Variants in SMU1 observed in about 807,000 individuals in gnomAD.
SMU1 encodes SMU1 DNA replication regulator and spliceosomal factor, also known as WD40 repeat-containing protein SMU1.
SMU1 carries 2 observed loss-of-function variants against 62.0 expected under a neutral mutation model. The observed-to-expected ratio is 0.03, with a 90% CI of 0.01 to 0.10. SMU1 has a LOEUF of 0.10. Ranked by LOEUF, SMU1 falls within the 10% of genes least tolerant of loss-of-function variation. The pLI, the probability that SMU1 is intolerant of heterozygous loss-of-function variation, is 1.00. For synonymous variants in SMU1, 188 were observed against 212.4 expected, an observed-to-expected ratio of 0.89 and a Z score of 1.00; for missense variants, 227 against 622.1, an observed-to-expected ratio of 0.36 and a Z score of 6.76.
At chr9:33,051,135 AT>A (rs146071857) in intron 10 of SMU1, among the ~76,000 whole-genome samples, 6,915 of 72,376 alleles carry the variant, frequency 0.096, 1,604 homozygotes, top group African/African-American at 0.28. Flanking sequence ...AAAAAAAAAA[AT>A]AAAAATAAAA....
chr9:33,054,073 C>T (rs1370499823), intron 9 of SMU1, among the ~76,000 whole-genome samples: 2 of 152,058 alleles, frequency 1.3e-5, no homozygotes, highest in Non-Finnish European at 2.9e-5. Context: ...TCACTTGAGG[C>T]CAGGAGTTCA....
intron 4 of SMU1, among the ~76,000 whole-genome samples, chr9:33,064,080 T>C (rs1479821842): frequency 1.3e-5 from 2 of 152,192 alleles, no homozygotes; most frequent in Admixed American, 1.3e-4. Context: ...GTTGTTTATG[T>C]TTGCTGCAAA....
chr9:33,058,877 T>C (rs889064004), intron 6 of SMU1, among the ~76,000 whole-genome samples: 1 of 152,174 alleles, frequency 6.6e-6, no homozygotes, highest in South Asian at 2.1e-4. Flanking sequence ...GTATTTGTAA[T>C]GTATATTATA....
At chr9:33,070,566 G>T (rs1401122231) in intron 3 of SMU1, among the ~76,000 whole-genome samples, 1 of 152,162 alleles carries the variant, frequency 6.6e-6, no homozygotes, top group Non-Finnish European at 1.5e-5. Flanking sequence ...ATATCAAAGA[G>T]ATATCTGCAC....
intron 5 of SMU1, 67 bp downstream of exon 5, chr9:33,061,982 C>T (rs1178350196): frequency 6.5e-7 from 1 of 1,542,124 alleles, no homozygotes; most frequent in Non-Finnish European, 8.9e-7. Context: ...TGGCACAGGG[C>T]CTGGCTGAGC....
intron 4 of SMU1, among the ~76,000 whole-genome samples, chr9:33,062,732 C>A (rs529182552): frequency 1.3e-5 from 2 of 152,252 alleles, no homozygotes; most frequent in African/African-American, 4.8e-5. Flanking sequence ...TCCAATTTTT[C>A]AATCACCTAA....
intron 4 of SMU1, among the ~76,000 whole-genome samples, chr9:33,067,851 G>A (rs1366745271): frequency 6.6e-6 from 1 of 152,100 alleles, no homozygotes; most frequent in Non-Finnish European, 1.5e-5. Flanking sequence ...GCAACAAATA[G>A]CTTTTTGGTC....
chr9:33,049,038 G>A (rs1434960898), intron 10 of SMU1, among the ~76,000 whole-genome samples: 1 of 152,208 alleles, frequency 6.6e-6, no homozygotes, highest in African/African-American at 2.4e-5. Context: ...AAAGATGTCA[G>A]TTCTTCCCAA....
chr9:33,050,745 G>A (rs1839235417), intron 10 of SMU1, among the ~76,000 whole-genome samples: 2 of 151,728 alleles, frequency 1.3e-5, no homozygotes, highest in Admixed American at 6.6e-5. Flanking sequence ...AGAATCGCTC[G>A]AACCCGGGGG....
chr9:33,047,772 T>C (rs529546178), intron 11 of SMU1, among the ~76,000 whole-genome samples: 1 of 151,976 alleles, frequency 6.6e-6, no homozygotes, highest in South Asian at 2.1e-4. Flanking sequence ...GGCAGGAGAA[T>C]CACTTGAAAC....
rs141400729 is a variant in SMU1, at chr9:33,070,677, A to G, written c.390+1063T>C. ...AAAGAAAATGAGGTACATGTACACA[A>G]TGGTGTACTAGCTGGACATATAAAA... On this transcript the variant is annotated intron_variant, in intron 3 of 11. Transcript: ENST00000397149. 2.1e-3 allele frequency among the ~76,000 whole-genome samples: 314 copies of G among 152,356 alleles called. 2 individuals are homozygous for G. Among genetic ancestry groups the G allele is most frequent in the African/African-American group, 7.3e-3 (305 of 41,596 alleles).
chr9:33,072,572 C>G (rs904073445), intron 2 of SMU1, among the ~76,000 whole-genome samples: 16 of 151,878 alleles, frequency 1.1e-4, no homozygotes, highest in African/African-American at 2.7e-4. Context: ...CAGCTCACAC[C>G]TGTAATCCCA....
rs1383853808 is a variant in SMU1 at position 33,046,718 on chromosome 9, C to T, written c.*575G>A. On this transcript the variant is annotated 3_prime_UTR_variant, in exon 12 of 12. Transcript: ENST00000397149. ...CCAGCCTGGCCAACATGGTGAAACC[C>T]CATCTCTACTAAAAATACAAAAAAA... 1 of 152,146 alleles carries T rather than the reference C, an allele frequency of 6.6e-6. No homozygotes were observed. Among genetic ancestry groups the T allele is most frequent in the South Asian group, 2.1e-4 (1 of 4,826 alleles). 9.4% of individuals were successfully genotyped at this position (152,146 alleles called of 1,614,324 possible).
At chr9:33,058,561 T>C (rs7876033) in intron 6 of SMU1, among the ~76,000 whole-genome samples, 55,761 of 151,918 alleles carry the variant, frequency 0.37, 10,522 homozygotes, top group Non-Finnish European at 0.41. Context: ...AAGTGACCTA[T>C]CAACTTCAGC....
chr9:33,046,821 G>A lies in SMU1; in HGVS notation c.*472C>T. 1 of 153,138 alleles carries A rather than the reference G, an allele frequency of 6.5e-6. No homozygotes were observed. The highest frequency in any genetic ancestry group is 1.4e-5 in the Non-Finnish European group (1 of 69,184). The allele number at this position is 153,138 out of a possible 1,614,324, so 9.5% of individuals were successfully genotyped here. A position where few individuals can be genotyped will look rare whatever the true frequency, so the allele number is the denominator to read the frequency against. On this transcript the variant is annotated 3_prime_UTR_variant, in exon 12 of 12. Transcript: ENST00000397149. ...AGGCAAGAGAATCGCTTGAACCTGG[G>A]AGGCGGAGGTTGCAGTGAACCAAGA...
chr9:33,074,293 T>A (rs538572974), intron 1 of SMU1, among the ~76,000 whole-genome samples: 2 of 152,014 alleles, frequency 1.3e-5, no homozygotes, highest in Admixed American at 6.6e-5. Flanking sequence ...TGAGACCCCA[T>A]CTCTACAAAT....
chr9:33,056,235 G>C lies in SMU1; in HGVS notation c.1000C>G (p.His334Asp). ...AGGGTTTTCCCAGATTTTAAACCAT[G>C]AATTCTACCAAATGAAAGTAAATGA... ...SASFDQTIRI[H>D]GLKSGKTLKE... The change falls in exon 9 of 12, where the codon CAT becomes GAT. Residue 334 changes from histidine (H) to aspartate (D), a missense_variant. By Grantham distance (81) the His-to-Asp change is moderately conservative (BLOSUM62 -1). Transcript: ENST00000397149. 6.2e-7 allele frequency: 1 copy of C among 1,610,612 alleles called. No individual in the cohort carries two copies. The highest frequency in any genetic ancestry group is 8.5e-7 in the Non-Finnish European group (1 of 1,178,324).
rs774201482 is a variant in SMU1, at chr9:33,056,946, C to T, written c.886G>A (p.Gly296Arg). ...CTCTCAAATCTCCTTAAACATTGTCCACTCTGAATCTTCCACACCTTTATT... is the reference window on the plus strand; with the variant it reads ...CTCTCAAATCTCCTTAAACATTGTCTACTCTGAATCTTCCACACCTTTATT... The part of the protein sequence containing the change: ...GKIKVWKIQS[G>R]QCLRRFERAH... Residue 296 changes from glycine to arginine, a missense_variant, in exon 8 of 12, where the codon GGA becomes AGA. Transcript: ENST00000397149. 1 of 1,612,020 alleles carries T rather than the reference C, an allele frequency of 6.2e-7. No individual in the cohort carries two copies.
At chr9:33,058,716 C>T (rs1333358676) in intron 6 of SMU1, among the ~76,000 whole-genome samples, 1 of 152,008 alleles carries the variant, frequency 6.6e-6, no homozygotes, top group Non-Finnish European at 1.5e-5. Context: ...TAAACAAATT[C>T]TTGAAGGGTC....
Sources: gnomAD v4.1 joint callset for allele counts (sites outside exome capture counted in the v4.1 genomes callset) on GRCh38, gnomAD v4.1.1 for gene constraint, MANE v1.5 for transcripts, NCBI Gene and HGNC (gene_info 2026-07-23, HGNC 2026-07-21) for gene names.